SCOC: variants seen among roughly 807,000 people sequenced by gnomAD.
SCOC encodes short coiled coil protein.
In SCOC, 7 loss-of-function variants were observed where a neutral mutation model predicts 9.9. That is an observed-to-expected ratio of 0.71 (90% confidence interval 0.40 to 1.33). SCOC has a LOEUF of 1.33. SCOC is among the 40% of genes most tolerant of loss of function. The pLI is 0.01. For synonymous variants in SCOC, 19 were observed against 28.2 expected (o/e 0.67, Z 1.03); for missense variants, 66 against 89.7 (o/e 0.74, Z 1.07).
intron 1 of SCOC, among the ~76,000 whole-genome samples, chr4:140,280,230 C>A (rs1731068243): frequency 6.6e-6 from 1 of 152,214 alleles, no homozygotes; most frequent in Admixed American, 6.5e-5. Context: ...GATCCCCCCA[C>A]CTCAGCCTCC....
At chr4:140,315,170 A>C (rs1732276685) in intron 1 of SCOC, among the ~76,000 whole-genome samples, 1 of 151,386 alleles carries the variant, frequency 6.6e-6, no homozygotes, top group Non-Finnish European at 1.5e-5. Flanking sequence ...GCAAATCTCC[A>C]CTCTTCCCCT....
intron 3 of SCOC, among the ~76,000 whole-genome samples, chr4:140,379,952 A>G (rs1728499588): frequency 6.6e-6 from 1 of 152,174 alleles, no homozygotes; most frequent in Non-Finnish European, 1.5e-5. Context: ...AGCTTATTTT[A>G]AAGTAAAAAC....
At chr4:140,303,720 G>A (rs1015653814) in intron 1 of SCOC, among the ~76,000 whole-genome samples, 1 of 152,142 alleles carries the variant, frequency 6.6e-6, no homozygotes, top group Non-Finnish European at 1.5e-5. Context: ...ACTTCCTTTG[G>A]GAAACGCCTG....
chr4:140,354,713 G>C (rs1727135774), intron 2 of SCOC, among the ~76,000 whole-genome samples: 2 of 151,336 alleles, frequency 1.3e-5, no homozygotes, highest in Non-Finnish European at 2.9e-5. Flanking sequence ...TATCCTTAAG[G>C]GTTTTTTTTT....
chr4:140,380,731 C>A (rs1268902229), intron 3 of SCOC, among the ~76,000 whole-genome samples: 1 of 152,160 alleles, frequency 6.6e-6, no homozygotes, highest in African/African-American at 2.4e-5. Context: ...TAAAAAATTA[C>A]TCAACATTAA....
At chr4:140,313,689 C>T (rs1344588501) in intron 1 of SCOC, among the ~76,000 whole-genome samples, 3 of 151,988 alleles carry the variant, frequency 2.0e-5, no homozygotes, top group African/African-American at 4.8e-5. Flanking sequence ...GCTAGTATCC[C>T]GGTGGAGGCA....
At chr4:140,269,789 C>CA (rs1730802816) in intron 1 of SCOC, among the ~76,000 whole-genome samples, 1 of 152,084 alleles carries the variant, frequency 6.6e-6, no homozygotes, top group African/African-American at 2.4e-5. Context: ...CTTGCTCTGT[C>CA]ACCCAGGCTG....
At chr4:140,355,223 A>G (rs1727165531) in intron 2 of SCOC, among the ~76,000 whole-genome samples, 1 of 16,340 alleles carries the variant, frequency 6.1e-5, no homozygotes, top group South Asian at 2.1e-3. Flanking sequence ...ATATATATAT[A>G]TATATATATA....
chr4:140,326,233 T>G (rs901914539), intron 1 of SCOC, among the ~76,000 whole-genome samples: 3 of 152,108 alleles, frequency 2.0e-5, no homozygotes, highest in Non-Finnish European at 4.4e-5. Flanking sequence ...TTTAGCATGA[T>G]GAAACGGTTC....
At chr4:140,289,374 G>C (rs1228473334) in intron 1 of SCOC, among the ~76,000 whole-genome samples, 2 of 152,182 alleles carry the variant, frequency 1.3e-5, no homozygotes, top group Non-Finnish European at 2.9e-5. Context: ...GGATTTCAAG[G>C]CTGGCTGCTT....
chr4:140,288,966 A>C (rs1731386741), intron 1 of SCOC, among the ~76,000 whole-genome samples: 1 of 151,986 alleles, frequency 6.6e-6, no homozygotes. Context: ...CTGATCACAC[A>C]ACACACACAA....
At chr4:140,355,209 TTTTATATATATA>T (rs1727157670) in intron 2 of SCOC, among the ~76,000 whole-genome samples, 2 of 10,192 alleles carry the variant, frequency 2.0e-4, no homozygotes, top group African/African-American at 8.3e-4. Context: ...TACATTATAT[TTTTATATATATA>T]TATATATATA....
chr4:140,350,587 A>T (rs1396637427), intron 2 of SCOC, among the ~76,000 whole-genome samples: 1 of 152,190 alleles, frequency 6.6e-6, no homozygotes, highest in Non-Finnish European at 1.5e-5. Flanking sequence ...GTCATATGCC[A>T]GGTAGTAGGC....
intron 1 of SCOC, among the ~76,000 whole-genome samples, chr4:140,278,516 G>A (rs1029554271): frequency 1.3e-5 from 2 of 152,094 alleles, no homozygotes; most frequent in African/African-American, 2.4e-5. Flanking sequence ...AGCCAGGATG[G>A]TCTCGATCTC....
intron 1 of SCOC, among the ~76,000 whole-genome samples, chr4:140,290,357 CA>C (rs1382507271): frequency 1.3e-5 from 2 of 152,192 alleles, no homozygotes; most frequent in Admixed American, 6.5e-5. Flanking sequence ...TCACTTGGGA[CA>C]CTCATTTGAC....
In SCOC at chr4:140,362,277, A is replaced by ACTTCTTCTTCTT. The variant is rs1305620519; in HGVS notation, c.71-16831_71-16820dup. Among the ~76,000 whole-genome samples the ACTTCTTCTTCTT allele has an allele frequency of 4.3e-4, 5 of 11,664 alleles. 1 individual carries two copies. The highest frequency in any genetic ancestry group is 2.6e-3 in the South Asian group (1 of 386). The allele number at this position is 11,664 out of a possible 152,430, so 7.7% of individuals were successfully genotyped here. A position where few individuals can be genotyped will look rare whatever the true frequency, so the allele number is the denominator to read the frequency against. ...ACCGGCTAAAGACAGGTGTGTCCTTACTTCTTCTTCTTCTTCTTCTTCTTT... is the reference window on the plus strand; with the variant it reads ...ACCGGCTAAAGACAGGTGTGTCCTTACTTCTTCTTCTTCTTCTTCTTCTTCTTCTTCTTCTTT... On this transcript the variant is annotated intron_variant, in intron 2 of 4. Transcript: ENST00000338517.
chr4:140,297,426 G>C (rs1348529834), intron 1 of SCOC, among the ~76,000 whole-genome samples: 1 of 151,970 alleles, frequency 6.6e-6, no homozygotes, highest in Non-Finnish European at 1.5e-5. Context: ...CCTTATCTCT[G>C]GCTACTCCTA....
At chr4:140,279,440 G>A (rs951718470) in intron 1 of SCOC, among the ~76,000 whole-genome samples, 12 of 152,234 alleles carry the variant, frequency 7.9e-5, no homozygotes, top group Non-Finnish European at 1.3e-4. Context: ...GAAGTGATTG[G>A]CACATGGCAG....
intron 1 of SCOC, among the ~76,000 whole-genome samples, chr4:140,265,988 C>T (rs923234878): frequency 6.6e-6 from 1 of 152,224 alleles, no homozygotes; most frequent in Non-Finnish European, 1.5e-5. Context: ...GCCCTCTGCT[C>T]TGTCCAGGGC....
Sources: allele counts gnomAD v4.1 joint callset (sites outside exome capture counted in the v4.1 genomes callset), GRCh38; gene constraint gnomAD v4.1.1; transcripts MANE v1.5; gene names NCBI Gene and HGNC (gene_info 2026-07-23, HGNC 2026-07-21).